The following HEATR5A variants were observed in gnomAD, a reference collection of about 807,000 sequenced individuals.
The protein encoded by HEATR5A is HEAT repeat containing 5A.
A neutral mutation model predicts 218.8 loss-of-function variants in HEATR5A; 178 were observed. The observed-to-expected ratio is 0.81, with a 90% CI of 0.72 to 0.92. HEATR5A has a LOEUF of 0.92. Among genes scored for constraint, HEATR5A ranks in the 40% least tolerant of loss-of-function variants. HEATR5A has a pLI of 0.00. For synonymous variants in HEATR5A, 864 were observed against 871.6 expected, an observed-to-expected ratio of 0.99 and a Z score of 0.15; for missense variants, 2,420 against 2,418.9, an observed-to-expected ratio of 1.00 and a Z score of -0.01.
At chr14:31,345,673 T>C (rs558608858) in intron 19 of HEATR5A, among the ~76,000 whole-genome samples, 10 of 152,328 alleles carry the variant, frequency 6.6e-5, no homozygotes, top group African/African-American at 2.4e-4. Context: ...CATAAAAGAA[T>C]ATATGTTGTA....
At chr14:31,314,163 G>T (rs761955062) in intron 27 of HEATR5A, among the ~76,000 whole-genome samples, 5 of 152,064 alleles carry the variant, frequency 3.3e-5, no homozygotes, top group Admixed American at 6.6e-5. Flanking sequence ...GACCAGGCTG[G>T]TCTTGAACTC....
At chr14:31,373,497 T>A (rs1902115122) in intron 12 of HEATR5A, among the ~76,000 whole-genome samples, 2 of 151,762 alleles carry the variant, frequency 1.3e-5, no homozygotes, top group South Asian at 2.1e-4. Context: ...TCTGGCTAAT[T>A]TTTTTGTATT....
At position 31,372,513 on chromosome 14, in the gene HEATR5A, T is replaced by C. The variant is rs151105227; in HGVS notation, c.1862-604A>G. Among the ~76,000 whole-genome samples the C allele has an allele frequency of 1.9e-3, 286 of 152,230 alleles. 5 individuals carry two copies. Among genetic ancestry groups the C allele is most frequent in the African/African-American group, 6.5e-3 (271 of 41,554 alleles). ...ACTTTCTATAATGAATTACTTTGTA[T>C]GTAGAATAAGATGAGTATTTTAAAG... On this transcript the variant is annotated intron_variant, in intron 12 of 35. Coordinates refer to ENST00000543095, the MANE Select transcript of HEATR5A (RefSeq NM_015473.4).
At position 31,349,845 on chromosome 14, in the gene HEATR5A, G is replaced by T; in HGVS notation, c.2652C>A (p.Ala884=). 6.2e-7 allele frequency: 1 copy of T among 1,612,986 alleles called. No homozygotes were observed. The highest frequency in any genetic ancestry group is 1.3e-5 in the African/African-American group (1 of 75,022). ...CAAAESWARL[A]QVVDDGAFTA... ...TAAAAGCTCCATCATCTACCACTTGGGCTAATCTAGCCCATGACTCTGCAG... is the reference window on the plus strand; with the variant it reads ...TAAAAGCTCCATCATCTACCACTTGTGCTAATCTAGCCCATGACTCTGCAG... The change falls in exon 18 of 36, where the codon GCC becomes GCA. Residue 884 remains alanine (A), a synonymous_variant. Transcript: ENST00000543095.
At chr14:31,298,146 C>T (rs565927794) in intron 33 of HEATR5A, among the ~76,000 whole-genome samples, 119 of 152,288 alleles carry the variant, frequency 7.8e-4, no homozygotes, top group African/African-American at 2.8e-3. Context: ...CCCTGGCCAA[C>T]ACCTTAACAG....
chr14:31,327,014 A>T (rs1056760785), intron 22 of HEATR5A, among the ~76,000 whole-genome samples: 8 of 149,314 alleles, frequency 5.4e-5, no homozygotes, highest in African/African-American at 2.0e-4. Context: ...TCACTCTGTC[A>T]CCCAAGATGG....
At chr14:31,346,580 T>C (rs1307198645) in intron 19 of HEATR5A, among the ~76,000 whole-genome samples, 1 of 152,200 alleles carries the variant, frequency 6.6e-6, no homozygotes, top group Non-Finnish European at 1.5e-5. Context: ...GGATAAATCA[T>C]CTGTAGAAGT....
intron 29 of HEATR5A, among the ~76,000 whole-genome samples, chr14:31,308,606 G>A (rs79109695): frequency 0.035 from 5,358 of 151,738 alleles, 274 homozygotes; most frequent in African/African-American, 0.11. Flanking sequence ...AAATTGCACC[G>A]GAAAACATAT....
intron 18 of HEATR5A, among the ~76,000 whole-genome samples, chr14:31,349,238 A>G (rs535886795): frequency 1.0e-3 from 159 of 152,216 alleles, no homozygotes; most frequent in Non-Finnish European, 2.1e-3. Context: ...AAAAATACAA[A>G]AAGTAGCCGG....
intron 16 of HEATR5A, among the ~76,000 whole-genome samples, chr14:31,355,098 G>A (rs2139224856): frequency 6.6e-6 from 1 of 152,320 alleles, no homozygotes; most frequent in East Asian, 1.9e-4. Flanking sequence ...TTTGCAATTA[G>A]ATGAAAATCT....
At chr14:31,411,357 T>A (rs1222914331) in intron 1 of HEATR5A, among the ~76,000 whole-genome samples, 2 of 152,076 alleles carry the variant, frequency 1.3e-5, no homozygotes, top group African/African-American at 4.8e-5. Flanking sequence ...CAAAGAATAC[T>A]AGGCTGTCAT....
chr14:31,325,841 A>G, intron 23 of HEATR5A: 1 of 263,702 alleles, frequency 3.8e-6, no homozygotes. Context: ...ATGTATGAAA[A>G]GAAATGATGG....
At chr14:31,314,563 T>C (rs1391189246) in intron 27 of HEATR5A, among the ~76,000 whole-genome samples, 2 of 152,046 alleles carry the variant, frequency 1.3e-5, no homozygotes, top group Non-Finnish European at 2.9e-5. Flanking sequence ...GCCTAATTTA[T>C]TTATTTTTAA....
intron 14 of HEATR5A, among the ~76,000 whole-genome samples, chr14:31,361,941 AATTTATTTATTTATTT>A (rs55748961): frequency 6.0e-5 from 9 of 149,326 alleles, no homozygotes; most frequent in African/African-American, 1.5e-4. Flanking sequence ...TAAAATCAGA[AATTTATTTATTTATTT>A]ATTTATTTAT....
At chr14:31,307,622 T>C (rs539376763) in intron 30 of HEATR5A, among the ~76,000 whole-genome samples, 2 of 152,286 alleles carry the variant, frequency 1.3e-5, no homozygotes, top group African/African-American at 4.8e-5. Flanking sequence ...CACATGTAAT[T>C]AGTGGCTACT....
intron 16 of HEATR5A, among the ~76,000 whole-genome samples, chr14:31,353,838 C>T (rs147200283): frequency 0.014 from 2,183 of 151,558 alleles, 46 homozygotes; most frequent in African/African-American, 0.05. Context: ...CTCGCTCTGT[C>T]GCCCAGGCTG....
intron 25 of HEATR5A, chr14:31,320,233 G>C: frequency 1.5e-6 from 1 of 668,156 alleles, no homozygotes; most frequent in Non-Finnish European, 2.8e-6. Context: ...CTCACATGGC[G>C]AACAGGATGA....
At chr14:31,412,745 C>T (rs775172365) in intron 1 of HEATR5A, among the ~76,000 whole-genome samples, 7 of 151,772 alleles carry the variant, frequency 4.6e-5, no homozygotes, top group East Asian at 1.9e-4. Flanking sequence ...TGGTGGCAGG[C>T]GCCTGTAATC....
At chr14:31,364,361 A>G (rs192191992) in intron 13 of HEATR5A, 63 bp from the exon 14 acceptor site, 123 of 731,288 alleles carry the variant, frequency 1.7e-4, no homozygotes, top group Non-Finnish European at 1.6e-5. Context: ...ACAAAAATTG[A>G]CAGCTTAATA....
Sources: allele counts gnomAD v4.1 joint callset (sites outside exome capture counted in the v4.1 genomes callset), GRCh38; gene constraint gnomAD v4.1.1; transcripts MANE v1.5; gene names NCBI Gene and HGNC (gene_info 2026-07-23, HGNC 2026-07-21).